MMAA: variants seen among roughly 807,000 people sequenced by gnomAD.
The protein encoded by MMAA is metabolism of cobalamin associated A.
A neutral mutation model predicts 45.0 loss-of-function variants in MMAA; 41 were observed. The ratio of observed to expected loss-of-function variants is 0.91; its 90% CI spans 0.71 to 1.18. MMAA has a LOEUF of 1.18. MMAA is among the 50% of genes most tolerant of loss of function. MMAA has a pLI of 0.00. For synonymous variants in MMAA, 154 were observed against 178.2 expected (o/e 0.86, Z 1.08); for missense variants, 460 against 495.7 (o/e 0.93, Z 0.68).
At chr4:145,636,619 G>T (rs1727618155) in intron 1 of MMAA, among the ~76,000 whole-genome samples, 1 of 152,176 alleles carries the variant, frequency 6.6e-6, no homozygotes, top group South Asian at 2.1e-4. Context: ...CTCTGATTTT[G>T]CACATTTAAG....
chr4:145,644,839 G>T (rs555844049), intron 3 of MMAA, among the ~76,000 whole-genome samples: 2 of 152,294 alleles, frequency 1.3e-5, no homozygotes, highest in South Asian at 4.1e-4. Flanking sequence ...CCTGTGCATT[G>T]AAGGATGCTT....
At chr4:145,629,226 G>A (rs189637031) in intron 1 of MMAA, among the ~76,000 whole-genome samples, 67 of 152,250 alleles carry the variant, frequency 4.4e-4, no homozygotes, top group Non-Finnish European at 6.9e-4. Flanking sequence ...TGCCTCCTGC[G>A]TTCACGCCAT....
intron 3 of MMAA, among the ~76,000 whole-genome samples, chr4:145,643,221 T>C (rs1460517028): frequency 1.3e-5 from 2 of 152,198 alleles, no homozygotes; most frequent in Non-Finnish European, 2.9e-5. Flanking sequence ...GATTTAAGCT[T>C]TTCATATTAC....
In MMAA at chr4:145,642,355, C is replaced by A; in HGVS notation, c.440-8C>A. 6.2e-7 allele frequency: 1 copy of A among 1,613,642 alleles called. No individual in the cohort carries two copies. Among genetic ancestry groups the A allele is most frequent in the Non-Finnish European group, 8.5e-7 (1 of 1,179,890 alleles). On this transcript the variant is annotated splice_polypyrimidine_tract_variant and splice_region_variant and intron_variant, in intron 2 of 6. Transcript: ENST00000649156. The stretch of plus-strand genomic sequence containing the variant: ...TTCATTGAATTAGAAGATCTCTTTC[C>A]ACCGTAGGATTGTCTGGGCCCCCTG...
chr4:145,627,382 C>T (rs947143277), intron 1 of MMAA, among the ~76,000 whole-genome samples: 4 of 152,054 alleles, frequency 2.6e-5, no homozygotes, highest in Non-Finnish European at 5.9e-5. Flanking sequence ...CCTTCAGTCA[C>T]ACAGGTTAAG....
intron 1 of MMAA, chr4:145,625,228 AG>A: frequency 8.3e-7 from 1 of 1,198,474 alleles, no homozygotes; most frequent in Non-Finnish European, 1.2e-6. Flanking sequence ...TTGGTTTTTC[AG>A]GAACTTCCTG....
At chr4:145,651,857 A>T (rs1425800088) in intron 5 of MMAA, among the ~76,000 whole-genome samples, 1 of 152,198 alleles carries the variant, frequency 6.6e-6, no homozygotes, top group Non-Finnish European at 1.5e-5. Flanking sequence ...CAATTAGATT[A>T]TCATAAGGAG....
intron 1 of MMAA, among the ~76,000 whole-genome samples, chr4:145,622,302 T>C (rs1734104125): frequency 6.6e-6 from 1 of 152,334 alleles, no homozygotes; most frequent in South Asian, 2.1e-4. Flanking sequence ...AGACATGACT[T>C]GCTCCTCCTT....
chr4:145,650,586 GC>G lies in MMAA; in HGVS notation c.734-475del, dbSNP rs532647838. 1.2e-3 allele frequency: 205 copies of G among 165,678 alleles called. 7 individuals carry two copies. In the South Asian group the frequency reaches 0.031, roughly 25 times the overall value. The allele number at this position is 165,678 out of a possible 1,614,324, so 10.3% of individuals were successfully genotyped here. A position where few individuals can be genotyped will look rare whatever the true frequency, so the allele number is the denominator to read the frequency against. ...GATGTAGCAGAGGCTGCCTGTCGTG[GC>G]TCTTGTCCACAGAGTTGAGTGATTT... On this transcript the variant is annotated intron_variant, in intron 4 of 6. Coordinates refer to ENST00000649156, the MANE Select transcript of MMAA (RefSeq NM_172250.3).
At chr4:145,649,398 C>T (rs1224606861) in intron 4 of MMAA, among the ~76,000 whole-genome samples, 1 of 152,154 alleles carries the variant, frequency 6.6e-6, no homozygotes, top group Non-Finnish European at 1.5e-5. Flanking sequence ...GCCTGCTTAC[C>T]ATTCTTAGCA....
chr4:145,656,197 A>G lies in MMAA; in HGVS notation c.*763A>G, dbSNP rs1370511672. On this transcript the variant is annotated 3_prime_UTR_variant, in exon 7 of 7. Transcript: ENST00000649156. Reference sequence around the variant, plus strand: ...GATTATTCAGTTTGAAGACTACCAAAGGCTTTTGCTTCTCTTCTTCCTTGG... The same window carrying G: ...GATTATTCAGTTTGAAGACTACCAAGGGCTTTTGCTTCTCTTCTTCCTTGG... The G allele has an allele frequency of 6.6e-6, 1 of 152,212 alleles. No individual in the cohort carries two copies. Among genetic ancestry groups the G allele is most frequent in the East Asian group, 1.9e-4 (1 of 5,198 alleles). The allele number at this position is 152,212 out of a possible 1,614,324, so 9.4% of individuals were successfully genotyped here. A position where few individuals can be genotyped will look rare whatever the true frequency, so the allele number is the denominator to read the frequency against.
At chr4:145,651,504 T>C (rs1182712289) in intron 5 of MMAA, among the ~76,000 whole-genome samples, 1 of 152,174 alleles carries the variant, frequency 6.6e-6, no homozygotes, top group Non-Finnish European at 1.5e-5. Flanking sequence ...GTTTATATGT[T>C]GTACAATGAG....
intron 3 of MMAA, 94 bp downstream of exon 3, chr4:145,642,579 C>G: frequency 6.5e-7 from 1 of 1,546,772 alleles, no homozygotes; most frequent in Non-Finnish European, 8.9e-7. Context: ...CCTCTAACTG[C>G]TAGCTAAGTT....
chr4:145,637,459 C>T (rs1277408886), intron 1 of MMAA, among the ~76,000 whole-genome samples: 2 of 151,846 alleles, frequency 1.3e-5, no homozygotes, highest in Non-Finnish European at 2.9e-5. Context: ...CACCCCACCG[C>T]CCCATAGAGA....
At chr4:145,628,112 G>T (rs1259831867) in intron 1 of MMAA, among the ~76,000 whole-genome samples, 1 of 152,172 alleles carries the variant, frequency 6.6e-6, no homozygotes, top group Non-Finnish European at 1.5e-5. Flanking sequence ...AAATCTAAAT[G>T]CAAAAGGAAG....
In MMAA at chr4:145,631,533, G is replaced by T. The variant is rs962006950; in HGVS notation, c.-65-7542G>T. ...ATGCCTTTATTTTCAGTCTGTGTTT[G>T]TCTTTATAAGTGAAGTGGGCTTCCT... On this transcript the variant is annotated intron_variant, in intron 1 of 6. Transcript: ENST00000649156. Among the ~76,000 whole-genome samples the T allele has an allele frequency of 2.0e-4, 30 of 151,988 alleles. 1 individual carries two copies. Among genetic ancestry groups the T allele is most frequent in the South Asian group, 1.0e-3 (5 of 4,808 alleles).
chr4:145,629,852 C>A (rs569815519), intron 1 of MMAA, among the ~76,000 whole-genome samples: 1 of 152,204 alleles, frequency 6.6e-6, no homozygotes, highest in African/African-American at 2.4e-5. Flanking sequence ...GAAAGACCCA[C>A]CCCCATAATT....
rs1160270910 is a variant in MMAA, at chr4:145,639,214, C to G, written c.75C>G (p.His25Gln). The change falls in exon 2 of 7, where the codon CAC becomes CAG. Residue 25 changes from histidine to glutamine, a missense_variant. Coordinates refer to ENST00000649156, the MANE Select transcript of MMAA (RefSeq NM_172250.3). Reference sequence around the variant, plus strand: ...TAAGAGCACCTTTCCGATGTTACCACTTCATCTTTCACTCAAGTACTCATC... The same window carrying G: ...TAAGAGCACCTTTCCGATGTTACCAGTTCATCTTTCACTCAAGTACTCATC... ...GLLRAPFRCYHFIFHSSTHLG... is the reference protein window; with the variant it reads ...GLLRAPFRCYQFIFHSSTHLG... 2 of 1,614,156 alleles carry G rather than the reference C, an allele frequency of 1.2e-6. No homozygotes were observed. Among genetic ancestry groups the G allele is most frequent in the East Asian group, 2.2e-5 (1 of 44,878 alleles).
chr4:145,636,367 A>G (rs188856802), intron 1 of MMAA, among the ~76,000 whole-genome samples: 66 of 152,330 alleles, frequency 4.3e-4, no homozygotes, highest in African/African-American at 1.5e-3. Flanking sequence ...TAAAAGTCTC[A>G]TCACTCTTGA....
Sources: allele counts gnomAD v4.1 joint callset (sites outside exome capture counted in the v4.1 genomes callset), GRCh38; gene constraint gnomAD v4.1.1; transcripts MANE v1.5; gene names NCBI Gene and HGNC (gene_info 2026-07-23, HGNC 2026-07-21).